AKR1C8: variants seen among roughly 807,000 people sequenced by gnomAD.
The protein encoded by AKR1C8 is aldo-keto reductase family 1 member C8.
the AKR1C8 span, among the ~76,000 whole-genome samples, chr10:5,127,757 A>G: frequency 6.7e-6 from 1 of 149,548 alleles, no homozygotes; most frequent in East Asian, 2.0e-4. Flanking sequence ...AAAGAAATGA[A>G]CAAATTATCC....
the AKR1C8 span, among the ~76,000 whole-genome samples, chr10:5,166,331 T>G: frequency 1.3e-5 from 2 of 152,214 alleles, no homozygotes; most frequent in East Asian, 1.9e-4. Context: ...CATTGCCAAG[T>G]CAATCCTAAG....
At chr10:5,124,693 A>C in the AKR1C8 span, among the ~76,000 whole-genome samples, 13,105 of 152,174 alleles carry the variant, frequency 0.086, 688 homozygotes, top group Admixed American at 0.14. Context: ...ATTATGTGGA[A>C]ATATGTTGTG....
chr10:5,175,694 C>T, the AKR1C8 span, among the ~76,000 whole-genome samples: 16 of 152,182 alleles, frequency 1.1e-4, no homozygotes, highest in South Asian at 2.7e-3. Flanking sequence ...GGTATCTCAT[C>T]ATGGTTTTGA....
At chr10:5,136,633 C>T in the AKR1C8 span, among the ~76,000 whole-genome samples, 1 of 152,246 alleles carries the variant, frequency 6.6e-6, no homozygotes, top group East Asian at 1.9e-4. Context: ...ATGTGCTTTG[C>T]TATGTGTTTC....
chr10:5,162,841 C>G, the AKR1C8 span: 1 of 530,930 alleles, frequency 1.9e-6, no homozygotes, highest in East Asian at 5.5e-5. Flanking sequence ...ACTGTACACA[C>G]AGAACTTTCA....
the AKR1C8 span, among the ~76,000 whole-genome samples, chr10:5,170,293 C>G: frequency 5.9e-5 from 9 of 152,116 alleles, no homozygotes; most frequent in African/African-American, 9.7e-5. Context: ...TTACACAACA[C>G]TACCATTTAA....
the AKR1C8 span, among the ~76,000 whole-genome samples, chr10:5,178,104 C>T: frequency 0.54 from 81,261 of 150,988 alleles, 22,724 homozygotes; most frequent in Non-Finnish European, 0.6. Context: ...CCTTCTTTTT[C>T]TTGTGGGCAT....
the AKR1C8 span, chr10:5,121,982 CA>C: frequency 1.8e-5 from 4 of 222,406 alleles, no homozygotes; most frequent in African/African-American, 7.1e-5. Context: ...TGTTTCACCC[CA>C]TGCCTGAATT....
chr10:5,129,196 A>C, the AKR1C8 span, among the ~76,000 whole-genome samples: 1 of 152,222 alleles, frequency 6.6e-6, no homozygotes, highest in Admixed American at 6.5e-5. Context: ...TTAACAATAA[A>C]ATCAAAATGG....
At chr10:5,174,909 T>TA in the AKR1C8 span, among the ~76,000 whole-genome samples, 1 of 148,572 alleles carries the variant, frequency 6.7e-6, no homozygotes, top group Admixed American at 6.6e-5. Context: ...TTAACTAAAT[T>TA]AAAAAATATT....
chr10:5,124,953 A>G, the AKR1C8 span, among the ~76,000 whole-genome samples: 1 of 152,144 alleles, frequency 6.6e-6, no homozygotes, highest in African/African-American at 2.4e-5. Flanking sequence ...GCATTCAAGT[A>G]TAACTTCTAA....
chr10:5,163,607 T>C, the AKR1C8 span, among the ~76,000 whole-genome samples: 38 of 152,292 alleles, frequency 2.5e-4, no homozygotes, highest in African/African-American at 8.9e-4. Flanking sequence ...CACTTCCTAA[T>C]GTGTAGAATT....
At chr10:5,127,360 C>T in the AKR1C8 span, among the ~76,000 whole-genome samples, 3 of 151,938 alleles carry the variant, frequency 2.0e-5, no homozygotes, top group South Asian at 6.2e-4. Flanking sequence ...TAGACTAGAA[C>T]AAGTAAAGGA....
chr10:5,184,601 A>T, the AKR1C8 span, among the ~76,000 whole-genome samples: 3 of 152,260 alleles, frequency 2.0e-5, no homozygotes, highest in South Asian at 6.2e-4. Context: ...CTCTGACCAG[A>T]GCAAAAGATG....
the AKR1C8 span, among the ~76,000 whole-genome samples, chr10:5,131,869 A>G: frequency 6.6e-6 from 1 of 152,150 alleles, no homozygotes; most frequent in Non-Finnish European, 1.5e-5. Context: ...AGCTTGCATG[A>G]AAAAGACACA....
the AKR1C8 span, chr10:5,185,063 A>C: frequency 3.7e-6 from 2 of 534,800 alleles, no homozygotes; most frequent in Admixed American, 1.9e-5. Context: ...AGGGTCCATC[A>C]TTCAGCCTCA....
chr10:5,170,512 C>T, the AKR1C8 span, among the ~76,000 whole-genome samples: 44 of 152,118 alleles, frequency 2.9e-4, no homozygotes, highest in Middle Eastern at 3.4e-3. Flanking sequence ...TGAGATAAGG[C>T]CTTTTTAAAG....
chr10:5,143,233 G>GT, the AKR1C8 span, among the ~76,000 whole-genome samples: 14 of 152,044 alleles, frequency 9.2e-5, no homozygotes, highest in Non-Finnish European at 1.6e-4. Flanking sequence ...AAGTCAGCTT[G>GT]CTCTCTCTCT....
At chr10:5,155,850 T>C in the AKR1C8 span, 1 of 385,242 alleles carries the variant, frequency 2.6e-6, no homozygotes, top group African/African-American at 2.1e-5. Flanking sequence ...GAGGCAAGGA[T>C]GGCATTGGGG....
Sources: allele counts gnomAD v4.1 joint callset (sites outside exome capture counted in the v4.1 genomes callset), GRCh38; gene constraint gnomAD v4.1.1; transcripts MANE v1.5; gene names NCBI Gene and HGNC (gene_info 2026-07-23, HGNC 2026-07-21).